Variants in TBX3 observed in about 807,000 individuals in gnomAD.
TBX3 encodes T-box transcription factor 3.
Under a neutral mutation model 47.8 loss-of-function variants are expected in TBX3, and 11 were observed. The observed-to-expected ratio is 0.23, with a 90% CI of 0.14 to 0.38. TBX3 has a LOEUF of 0.38. Ranked by LOEUF, TBX3 falls within the 10% of genes least tolerant of loss-of-function variation. The probability of loss-of-function intolerance (pLI) is 1.00; values close to 1 mark genes in which losing one functional copy is unlikely to be tolerated. For missense variants in TBX3, 927 were observed against 1,022.8 expected (o/e 0.91, Z 1.28); for synonymous variants, 500 against 449.3 (o/e 1.11, Z -1.43).
intron 1 of TBX3, among the ~76,000 whole-genome samples, chr12:114,681,760 C>T (rs1354827755): frequency 2.0e-5 from 3 of 152,234 alleles, no homozygotes; most frequent in African/African-American, 4.8e-5. Context: ...GCTGCTAACA[C>T]ATTCCCCCAC....
intron 6 of TBX3, among the ~76,000 whole-genome samples, chr12:114,672,667 G>A (rs1868502901): frequency 6.6e-6 from 1 of 152,058 alleles, no homozygotes; most frequent in Non-Finnish European, 1.5e-5. Context: ...CACACAGTGT[G>A]TGCAGCCCCC....
intron 1 of TBX3, among the ~76,000 whole-genome samples, chr12:114,681,661 C>T (rs773535731): frequency 6.6e-6 from 1 of 152,152 alleles, no homozygotes; most frequent in Non-Finnish European, 1.5e-5. Flanking sequence ...CCGCTGTGGG[C>T]GAAGTGAAAC....
chr12:114,681,246 A>C, intron 1 of TBX3, 100 bp from the exon 2 acceptor site: 1 of 1,502,042 alleles, frequency 6.7e-7, no homozygotes, highest in Non-Finnish European at 9.1e-7. Context: ...CAAGTCTAAG[A>C]CTTTATATTG....
chr12:114,677,088 G>C (rs1868745728), intron 4 of TBX3, among the ~76,000 whole-genome samples: 1 of 152,098 alleles, frequency 6.6e-6, no homozygotes, highest in Non-Finnish European at 1.5e-5. Flanking sequence ...GAAAGGGGGT[G>C]GGGGAGGGGA....
At chr12:114,672,447 T>TTG (rs34712464) in intron 6 of TBX3, 145 bp from the exon 7 acceptor site, 58 of 438,866 alleles carry the variant, frequency 1.3e-4, no homozygotes, top group African/African-American at 7.3e-4. Flanking sequence ...TTTTTTTTTT[T>TTG]GGGGGGGGAG....
chr12:114,678,231 A>G (rs561276994), intron 3 of TBX3, among the ~76,000 whole-genome samples: 1 of 152,192 alleles, frequency 6.6e-6, no homozygotes, highest in Non-Finnish European at 1.5e-5. Flanking sequence ...TTTCATTTAT[A>G]TGCTCTGCCA....
intron 2 of TBX3, chr12:114,680,153 C>T (rs1000081459): frequency 4.2e-5 from 27 of 648,972 alleles, no homozygotes; most frequent in South Asian, 9.3e-5. Context: ...AAGATATTTC[C>T]GCGCCATTCG....
rs1327392865 is a variant in TBX3, at chr12:114,671,953, G to A, written c.2060C>T (p.Ser687Leu). Residue 687 changes from serine to leucine, a missense_variant, in exon 7 of 7, where the codon TCG becomes TTG. Coordinates refer to ENST00000349155, the MANE Select transcript of TBX3 (RefSeq NM_005996.4). Reference sequence around the variant, plus strand: ...CTCTTTCTCCGCGCAGAGTTTGGGCGACAAGGACATGGAGCTGGAGGAGAG... The same window carrying A: ...CTCTTTCTCCGCGCAGAGTTTGGGCAACAAGGACATGGAGCTGGAGGAGAG... ...STLSSSSMSL[S>L]PKLCAEKEAA... is the part of the protein sequence containing the mutation. The A allele has an allele frequency of 2.5e-6, 4 of 1,598,140 alleles. No individual in the cohort carries two copies. The highest frequency in any genetic ancestry group is 3.4e-6 in the Non-Finnish European group (4 of 1,172,490).
Position 114,674,232 on chromosome 12 carries a change from T to C in TBX3, c.1643A>G (p.Gln548Arg). Residue 548 changes from glutamine (Q) to arginine (R), a missense_variant, in exon 6 of 7, where the codon CAG (glutamine) becomes CGG (arginine). Physicochemically the swap from Gln to Arg is conservative, Grantham distance 43 (BLOSUM62 1). Transcript: ENST00000349155. ...STAMASAAAA[Q>R]GLSGASAATL... ...GGCCGCGGACGCCCCGGACAGTCCCTGCGCCGCAGCGGCAGAGGCCATGGC... is the reference window on the plus strand; with the variant it reads ...GGCCGCGGACGCCCCGGACAGTCCCCGCGCCGCAGCGGCAGAGGCCATGGC... The C allele has an allele frequency of 1.3e-6, 2 of 1,576,506 alleles. No homozygotes were observed. Among genetic ancestry groups the C allele is most frequent in the Non-Finnish European group, 1.7e-6 (2 of 1,161,904 alleles).
intron 2 of TBX3, chr12:114,680,659 C>A: frequency 1.5e-6 from 1 of 680,292 alleles, no homozygotes; most frequent in Non-Finnish European, 2.6e-6. Flanking sequence ...TGCTATAGAA[C>A]ACAAGCCGGT....
At chr12:114,675,633 AGTGT>A (rs3068612) in intron 5 of TBX3, among the ~76,000 whole-genome samples, 4,437 of 149,994 alleles carry the variant, frequency 0.03, 81 homozygotes, top group South Asian at 0.08. Flanking sequence ...TCCCGTTGAG[AGTGT>A]GTGTGTGTGT....
intron 3 of TBX3, among the ~76,000 whole-genome samples, chr12:114,678,268 G>A (rs920299603): frequency 6.6e-6 from 1 of 152,134 alleles, no homozygotes; most frequent in Non-Finnish European, 1.5e-5. Context: ...AAGGCCCATG[G>A]CCTTTTTGTC....
At chr12:114,676,603 G>A in intron 4 of TBX3, 133 bp from the exon 5 acceptor site, 1 of 1,241,598 alleles carries the variant, frequency 8.1e-7, no homozygotes, top group Non-Finnish European at 1.1e-6. Context: ...CTAATTCACT[G>A]AAATCTGCTT....
Position 114,679,967 on chromosome 12 carries a change from C to T in TBX3, c.658-316G>A, listed in dbSNP as rs142463451. The T allele has an allele frequency of 2.5e-6, 4 of 1,613,912 alleles. No individual in the cohort carries two copies. The African/African-American group carries it at 5.3e-5, about 22-fold the overall frequency. ...ACGTAGCGTGATCACTTGGGAAGGC[C>T]AAAGTCTTAAAAGATAGAGAAAAAC... On this transcript the variant is annotated intron_variant, in intron 2 of 6. Coordinates refer to ENST00000349155, the MANE Select transcript of TBX3 (RefSeq NM_005996.4).
In TBX3 at chr12:114,677,720, G is replaced by GT. The variant is rs1868767932; in HGVS notation, c.805-65dup. 3.9e-6 allele frequency: 6 copies of GT among 1,521,004 alleles called. No individual in the cohort carries two copies. The East Asian group carries it at 1.1e-4, about 29-fold the overall frequency. 94.2% of individuals were successfully genotyped at this position (1,521,004 alleles called of 1,614,324 possible). ...TCATTTTCTAGAATGTTTTGAGGGT[G>GT]TTTTTCCCAACTCAACAAGTCTAGA... On this transcript the variant is annotated intron_variant, in intron 3 of 6. Transcript: ENST00000349155.
At chr12:114,680,731 C>G in intron 2 of TBX3, 148 bp downstream of exon 2, 1 of 1,208,522 alleles carries the variant, frequency 8.3e-7, no homozygotes, top group East Asian at 2.4e-5. Flanking sequence ...GAGAAACACC[C>G]CGAATCCTTT....
Position 114,674,331 on chromosome 12 carries a change from G to GCCATGCTGGAGAAGGCGCCCC in TBX3, c.1523_1543dup (p.Gly508_Met514dup), listed in dbSNP as rs747239167. ...CAGGAGGGGACCCATGCCAGCGGCC[G>GCCATGCTGGAGAAGGCGCCCC]CCATGCTGGAGAAGGCGCCCCCCAT... is the stretch of plus-strand genomic sequence containing the variant. On this transcript the variant is annotated inframe_insertion, in exon 6 of 7. Transcript: ENST00000349155. 3 of 1,566,288 alleles carry GCCATGCTGGAGAAGGCGCCCC rather than the reference G, an allele frequency of 1.9e-6. No individual in the cohort carries two copies. Among genetic ancestry groups the GCCATGCTGGAGAAGGCGCCCC allele is most frequent in the Non-Finnish European group, 2.6e-6 (3 of 1,155,576 alleles).
intron 3 of TBX3, among the ~76,000 whole-genome samples, chr12:114,678,647 A>G (rs1868808228): frequency 6.6e-6 from 1 of 152,218 alleles, no homozygotes; most frequent in Admixed American, 6.5e-5. Context: ...GTGTGTTGTC[A>G]GGTAAAATGG....
chr12:114,675,943 T>C (rs1307233887), intron 5 of TBX3, among the ~76,000 whole-genome samples: 1 of 151,890 alleles, frequency 6.6e-6, no homozygotes, highest in African/African-American at 2.4e-5. Flanking sequence ...AAGTCAGCAG[T>C]TGGAGCCTCT....
Sources: gnomAD v4.1 joint callset for allele counts (sites outside exome capture counted in the v4.1 genomes callset) on GRCh38, gnomAD v4.1.1 for gene constraint, MANE v1.5 for transcripts, NCBI Gene and HGNC (gene_info 2026-07-23, HGNC 2026-07-21) for gene names.